Variants in RIMBP2 observed in about 807,000 individuals in gnomAD.
RIMBP2 encodes the protein RIMS-binding protein 2.
Under a neutral mutation model 118.6 loss-of-function variants are expected in RIMBP2, and 48 were observed. The observed-to-expected ratio is 0.40, with a 90% confidence interval of 0.32 to 0.51. RIMBP2 has a LOEUF of 0.51. RIMBP2 is among the 20% of genes least tolerant of loss of function. The pLI is 0.41. For synonymous variants in RIMBP2, 762 were observed against 742.9 expected, an observed-to-expected ratio of 1.03 and a Z score of -0.42; for missense variants, 1,551 against 1,768.3, an observed-to-expected ratio of 0.88 and a Z score of 2.20.
chr12:130,408,813 C>T (rs2075417307), intron 19 of RIMBP2, among the ~76,000 whole-genome samples: 1 of 152,176 alleles, frequency 6.6e-6, no homozygotes, highest in Non-Finnish European at 1.5e-5. Context: ...CTATCAAAGG[C>T]AAATATCTCA....
At position 130,396,601 on chromosome 12, in the gene RIMBP2, T is replaced by TAACA. The variant is rs1300396618; in HGVS notation, c.*756_*759dup. On this transcript the variant is annotated 3_prime_UTR_variant, in exon 23 of 23. Transcript: ENST00000690449. ...GGGTATGGCATTTTGACAACGAAAG[T>TAACA]AACAGAAAACCATATGCCACAGAAT... The TAACA allele has an allele frequency of 6.6e-6, 1 of 152,668 alleles. No individual in the cohort carries two copies. Among genetic ancestry groups the TAACA allele is most frequent in the African/African-American group, 2.4e-5 (1 of 41,470 alleles). 9.5% of individuals were successfully genotyped at this position (152,668 alleles called of 1,614,324 possible). A position where few individuals can be genotyped will look rare whatever the true frequency, so the allele number is the denominator to read the frequency against.
chr12:130,625,636 T>G (rs2061575671), intron 2 of RIMBP2, among the ~76,000 whole-genome samples: 2 of 152,198 alleles, frequency 1.3e-5, no homozygotes, highest in African/African-American at 4.8e-5. Flanking sequence ...AAGAGCTAAA[T>G]TTAAATGCAA....
chr12:130,612,132 A>G (rs1048746323), intron 2 of RIMBP2, among the ~76,000 whole-genome samples: 8 of 152,018 alleles, frequency 5.3e-5, no homozygotes, highest in Non-Finnish European at 1.2e-4. Context: ...GAGTCACGCA[A>G]GGTCACCTCT....
At chr12:130,501,194 G>C (rs1046372867) in intron 4 of RIMBP2, among the ~76,000 whole-genome samples, 1 of 152,006 alleles carries the variant, frequency 6.6e-6, no homozygotes, top group Non-Finnish European at 1.5e-5. Context: ...GACACACCCC[G>C]AGCCTGTGCA....
chr12:130,567,433 A>C (rs2139997861), intron 2 of RIMBP2, among the ~76,000 whole-genome samples: 1 of 152,212 alleles, frequency 6.6e-6, no homozygotes, highest in African/African-American at 2.4e-5. Context: ...GCTCATGTGC[A>C]CTCTGATGTA....
chr12:130,477,090 T>A (rs1192563016), intron 5 of RIMBP2, among the ~76,000 whole-genome samples: 1 of 152,182 alleles, frequency 6.6e-6, no homozygotes, highest in Non-Finnish European at 1.5e-5. Flanking sequence ...TCATCCAGTT[T>A]CTCTCCCTCT....
chr12:130,657,429 G>A (rs1268874147), intron 1 of RIMBP2, among the ~76,000 whole-genome samples: 1 of 152,238 alleles, frequency 6.6e-6, no homozygotes, highest in Non-Finnish European at 1.5e-5. Context: ...GCTCCCAGCC[G>A]GAAGCAGGCC....
chr12:130,456,639 G>A lies in RIMBP2; in HGVS notation c.215C>T (p.Ser72Phe), dbSNP rs761568949. The A allele has an allele frequency of 1.9e-6, 3 of 1,613,502 alleles. No individual in the cohort carries two copies. Among genetic ancestry groups the A allele is most frequent in the Non-Finnish European group, 2.5e-6 (3 of 1,179,764 alleles). Residue 72 changes from serine (S) to phenylalanine (F), a missense_variant, in exon 7 of 23, where the codon TCC (serine) becomes TTC (phenylalanine). Ser to Phe is a radical substitution (Grantham distance 155). Transcript: ENST00000690449. Reference protein sequence around the residue: ...RTQSEQFNLLSRDLEKFRQHA... With the variant: ...RTQSEQFNLLFRDLEKFRQHA... ...CTGCCGGAACTTCTCCAGGTCCCGG[G>A]ACAGCAGGTTGAACTGCTCACTTTG... is the stretch of plus-strand genomic sequence containing the variant.
At chr12:130,455,395 G>A (rs532533187) in intron 7 of RIMBP2, among the ~76,000 whole-genome samples, 9 of 152,346 alleles carry the variant, frequency 5.9e-5, no homozygotes, top group South Asian at 2.1e-4. Context: ...AGCTCCGCAC[G>A]GTGCCCTGTC....
chr12:130,433,448 T>A (rs1241038896), intron 14 of RIMBP2, among the ~76,000 whole-genome samples: 2 of 152,192 alleles, frequency 1.3e-5, no homozygotes. Context: ...AAAATCACCC[T>A]GCCCTTCCCT....
intron 1 of RIMBP2, among the ~76,000 whole-genome samples, chr12:130,691,883 G>A (rs2065323004): frequency 6.6e-6 from 1 of 152,302 alleles, no homozygotes; most frequent in African/African-American, 2.4e-5. Flanking sequence ...TTTCCTTGTG[G>A]AGGCCCTGGG....
chr12:130,557,303 G>GGA (rs1389556890), intron 2 of RIMBP2, among the ~76,000 whole-genome samples: 1 of 152,036 alleles, frequency 6.6e-6, no homozygotes, highest in African/African-American at 2.4e-5. Flanking sequence ...GCTGGCCCCT[G>GGA]GAGCTCAAGC....
In RIMBP2 at chr12:130,583,987, G is replaced by A. The variant is rs529666731; in HGVS notation, c.-217+44335C>T. Among the ~76,000 whole-genome samples, 120 of 130,150 alleles carry A rather than the reference G, an allele frequency of 9.2e-4. No individual in the cohort carries two copies. The Middle Eastern group carries it at 0.018, about 19-fold the overall frequency. The allele number at this position is 130,150 out of a possible 152,430, so 85.4% of individuals were successfully genotyped here. On this transcript the variant is annotated intron_variant, in intron 2 of 22. Coordinates refer to ENST00000690449, the MANE Select transcript of RIMBP2 (RefSeq NM_001393629.1). ...TCACCACCAACACATCATCATCACC[G>A]TCACCACCATTACATCACCATCACC...
chr12:130,660,914 A>G (rs2063632383), intron 1 of RIMBP2, among the ~76,000 whole-genome samples: 1 of 152,150 alleles, frequency 6.6e-6, no homozygotes, highest in Admixed American at 6.5e-5. Flanking sequence ...TACAAGCCCC[A>G]TGATGTTGAA....
chr12:130,641,109 A>G (rs2062598020), intron 1 of RIMBP2, among the ~76,000 whole-genome samples: 1 of 152,166 alleles, frequency 6.6e-6, no homozygotes, highest in Admixed American at 6.5e-5. Flanking sequence ...GTGCCTTGGA[A>G]TGCCAGCACA....
At position 130,511,923 on chromosome 12, in the gene RIMBP2, C is replaced by T. The variant is rs1470690197; in HGVS notation, c.-126-5153G>A. Reference sequence around the variant, plus strand: ...CTGCCTCTGGCCAGGGTCACCACCTCTGGGCTTCCTGAGCACAACAGTGCC... The same window carrying T: ...CTGCCTCTGGCCAGGGTCACCACCTTTGGGCTTCCTGAGCACAACAGTGCC... On this transcript the variant is annotated intron_variant, in intron 3 of 22. Coordinates refer to ENST00000690449, the MANE Select transcript of RIMBP2 (RefSeq NM_001393629.1). This position sits in a 1 kb window ranked among gnomAD's most constrained non-coding sequence, Gnocchi z 4.3. Among the ~76,000 whole-genome samples the T allele has an allele frequency of 1.3e-5, 2 of 152,138 alleles. No individual in the cohort carries two copies. The highest frequency in any genetic ancestry group is 2.9e-5 in the Non-Finnish European group (2 of 68,030).
At chr12:130,662,242 G>A (rs2063695490) in intron 1 of RIMBP2, among the ~76,000 whole-genome samples, 1 of 152,110 alleles carries the variant, frequency 6.6e-6, no homozygotes, top group Non-Finnish European at 1.5e-5. Context: ...GGCAATTCTC[G>A]CCAATGTGAA....
chr12:130,695,317 C>T (rs4759756), intron 1 of RIMBP2, among the ~76,000 whole-genome samples: 38,310 of 152,072 alleles, frequency 0.25, 5,245 homozygotes, highest in South Asian at 0.38. Context: ...GCCTCAGTCT[C>T]CCATCTCACC....
At chr12:130,595,258 A>G (rs1294369389) in intron 2 of RIMBP2, among the ~76,000 whole-genome samples, 2 of 152,182 alleles carry the variant, frequency 1.3e-5, no homozygotes, top group Non-Finnish European at 1.5e-5. Context: ...CTAAACTCAG[A>G]CTATTAAAAC....
Sources: gnomAD v4.1 joint callset for allele counts (sites outside exome capture counted in the v4.1 genomes callset) on GRCh38, gnomAD v4.1.1 for gene constraint, Gnocchi (gnomAD v3.1) non-coding constraint, MANE v1.5 for transcripts, NCBI Gene and HGNC (gene_info 2026-07-23, HGNC 2026-07-21) for gene names.